PTPN13: variants seen among roughly 807,000 people sequenced by gnomAD.
PTPN13 encodes tyrosine-protein phosphatase non-receptor type 13.
A neutral mutation model predicts 284.0 loss-of-function variants in PTPN13; 191 were observed. That is an observed-to-expected ratio of 0.67 (90% CI 0.60 to 0.76). The LOEUF (loss-of-function observed/expected upper bound fraction) is 0.76, where lower values mean the gene tolerates loss of function less well. PTPN13 is among the 30% of genes least tolerant of loss of function. The probability of loss-of-function intolerance (pLI) is 0.00; values close to 1 mark genes in which losing one functional copy is unlikely to be tolerated. For missense variants in PTPN13, 2,797 were observed against 2,939.9 expected (o/e 0.95, Z 1.12); for synonymous variants, 986 against 1,022.3 (o/e 0.96, Z 0.68).
At chr4:86,772,448 G>A (rs551400204) in intron 31 of PTPN13, among the ~76,000 whole-genome samples, 15 of 152,146 alleles carry the variant, frequency 9.9e-5, no homozygotes, top group Admixed American at 4.6e-4. Flanking sequence ...CAGCTACTTG[G>A]GTGGCTGCGG....
At chr4:86,757,479 C>G (rs1444756643) in intron 20 of PTPN13, among the ~76,000 whole-genome samples, 1 of 151,986 alleles carries the variant, frequency 6.6e-6, no homozygotes, top group East Asian at 1.9e-4. Context: ...ATTAATAGAT[C>G]CAGTTTCTGA....
chr4:86,709,865 G>T (rs1732186079), intron 7 of PTPN13, among the ~76,000 whole-genome samples: 1 of 138,682 alleles, frequency 7.2e-6, no homozygotes, highest in Non-Finnish European at 1.6e-5. Flanking sequence ...TAGATCTATA[G>T]AGTGACTAAC....
intron 5 of PTPN13, among the ~76,000 whole-genome samples, chr4:86,692,139 A>C (rs958485073): frequency 2.6e-5 from 4 of 152,108 alleles, no homozygotes; most frequent in Non-Finnish European, 1.5e-5. Flanking sequence ...AGGTTGTTTG[A>C]GGATTAAATA....
chr4:86,731,170 C>G (rs1416696559), intron 10 of PTPN13, among the ~76,000 whole-genome samples: 1 of 152,176 alleles, frequency 6.6e-6, no homozygotes, highest in African/African-American at 2.4e-5. Context: ...TTCATTAGTT[C>G]AAGCACACAC....
intron 2 of PTPN13, among the ~76,000 whole-genome samples, chr4:86,649,689 A>C (rs899183865): frequency 6.6e-6 from 1 of 152,126 alleles, no homozygotes; most frequent in East Asian, 1.9e-4. Context: ...CTTCTTGTTC[A>C]AGATTGCTCT....
rs1642502646 is a variant in PTPN13 at position 86,721,429 on chromosome 4, A to G, written c.1386-783A>G. On this transcript the variant is annotated intron_variant, in intron 9 of 47. Transcript: ENST00000411767. ...AGAAAGTCCCTTGAGGGAAATGAGA[A>G]GTAGCCAATAAACCATGAAAAAGCA... Among the ~76,000 whole-genome samples the G allele has an allele frequency of 3.9e-5, 6 of 152,282 alleles. No individual in the cohort carries two copies. In the South Asian group the frequency reaches 1.2e-3, roughly 32 times the overall value.
chr4:86,635,081 T>TC (rs1480971760), intron 1 of PTPN13, among the ~76,000 whole-genome samples, 171 bp from the exon 2 acceptor site: 1 of 152,200 alleles, frequency 6.6e-6, no homozygotes, highest in East Asian at 1.9e-4. Flanking sequence ...GGTTTTTCCC[T>TC]CCAATTCCTT....
At chr4:86,694,513 G>A (rs1252333232) in intron 6 of PTPN13, among the ~76,000 whole-genome samples, 1 of 144,868 alleles carries the variant, frequency 6.9e-6, no homozygotes, top group African/African-American at 2.6e-5. Flanking sequence ...GGGAGGCAGA[G>A]GTTGCAGTTA....
intron 7 of PTPN13, among the ~76,000 whole-genome samples, chr4:86,707,772 A>G (rs1187208): frequency 0.88 from 133,454 of 152,148 alleles, 58,602 homozygotes; most frequent in East Asian, 0.89. Context: ...TTAATATTAA[A>G]TTTCTATTTG....
Position 86,758,957 on chromosome 4 carries a change from C to A in PTPN13, c.3437C>A (p.Ser1146Tyr), listed in dbSNP as rs756650769. 5.0e-6 allele frequency: 8 copies of A among 1,613,324 alleles called. No individual in the cohort carries two copies. In the East Asian group the frequency reaches 1.3e-4, roughly 27 times the overall value. ...ATTTGTACAGGAGACCGTTTGATATCTGTGAATAGTGTGAGTCTGGAGGGA... is the reference window on the plus strand; with the variant it reads ...ATTTGTACAGGAGACCGTTTGATATATGTGAATAGTGTGAGTCTGGAGGGA... ...GCLKPGDRLI[S>Y]VNSVSLEGVS... Residue 1146 changes from serine to tyrosine, a missense_variant, in exon 23 of 48, where the codon TCT (serine) becomes TAT (tyrosine). Physicochemically the swap from Ser to Tyr is moderately radical, Grantham distance 144 (BLOSUM62 -2). Transcript: ENST00000411767.
intron 1 of PTPN13, among the ~76,000 whole-genome samples, chr4:86,634,974 G>T (rs964473853): frequency 7.2e-5 from 11 of 151,960 alleles, no homozygotes; most frequent in African/African-American, 2.7e-4. Flanking sequence ...AGTACCCTGG[G>T]GTCTCTTCCT....
intron 40 of PTPN13, among the ~76,000 whole-genome samples, chr4:86,786,148 G>GA (rs200648968): frequency 7.4e-5 from 11 of 148,676 alleles, no homozygotes; most frequent in East Asian, 2.0e-4. Flanking sequence ...AAAAAAAATA[G>GA]AAAAAAAAAC....
At chr4:86,716,065 TTG>T (rs1732977771) in intron 7 of PTPN13, among the ~76,000 whole-genome samples, 2 of 152,228 alleles carry the variant, frequency 1.3e-5, no homozygotes, top group East Asian at 1.9e-4. Context: ...TTTGAGATTG[TTG>T]TGTCTTTAGA....
intron 21 of PTPN13, 89 bp downstream of exon 21, chr4:86,758,438 C>A: frequency 1.7e-6 from 2 of 1,143,950 alleles, no homozygotes; most frequent in Non-Finnish European, 1.3e-6. Context: ...GCAGTGCCAG[C>A]TCACTTCTGG....
chr4:86,732,131 G>A (rs1735015908), intron 10 of PTPN13, among the ~76,000 whole-genome samples: 1 of 152,154 alleles, frequency 6.6e-6, no homozygotes, highest in Non-Finnish European at 1.5e-5. Context: ...CAGTGTAAAA[G>A]TGAGGCATTA....
At chr4:86,734,282 T>C (rs1315214453) in intron 12 of PTPN13, 21 bp from the exon 13 acceptor site, 1 of 1,416,184 alleles carries the variant, frequency 7.1e-7, no homozygotes, top group African/African-American at 1.5e-5. Context: ...TTTATCTGAA[T>C]ATTTTTCTCA....
At chr4:86,689,644 T>TC in intron 5 of PTPN13, 1 of 702,324 alleles carries the variant, frequency 1.4e-6, no homozygotes, top group Non-Finnish European at 2.6e-6. Flanking sequence ...TTCTCCACTT[T>TC]CCCTTCTTCT....
chr4:86,808,452 C>T (rs1325976467), intron 45 of PTPN13, among the ~76,000 whole-genome samples: 1 of 152,222 alleles, frequency 6.6e-6, no homozygotes, highest in East Asian at 1.9e-4. Context: ...ACTCTGTGTT[C>T]TCCCTCACCT....
chr4:86,717,247 GGC>G, intron 9 of PTPN13, 130 bp downstream of exon 9: 1 of 616,676 alleles, frequency 1.6e-6, no homozygotes, highest in African/African-American at 1.9e-5. Context: ...GGAGTGCAGT[GGC>G]GCAATCTCGG....
Sources: gnomAD v4.1 joint callset for allele counts (sites outside exome capture counted in the v4.1 genomes callset) on GRCh38, gnomAD v4.1.1 for gene constraint, MANE v1.5 for transcripts, NCBI Gene and HGNC (gene_info 2026-07-23, HGNC 2026-07-21) for gene names.